The following LSAMP variants were observed in gnomAD, a reference collection of about 807,000 sequenced individuals.
The protein encoded by LSAMP is limbic system associated membrane protein, also known as limbic system-associated membrane protein.
Under a neutral mutation model 38.6 loss-of-function variants are expected in LSAMP, and 7 were observed. The ratio of observed to expected loss-of-function variants is 0.18; its 90% CI spans 0.10 to 0.34. LSAMP has a LOEUF of 0.34. Among genes scored for constraint, LSAMP ranks in the 10% least tolerant of loss-of-function variants. LSAMP has a pLI of 1.00. For synonymous variants in LSAMP, 154 were observed against 166.8 expected, an observed-to-expected ratio of 0.92 and a Z score of 0.59; for missense variants, 313 against 420.0, an observed-to-expected ratio of 0.75 and a Z score of 2.23.
rs925255302 is a variant in LSAMP at position 115,855,724 on chromosome 3, T to G, written c.515-3107A>C. On this transcript the variant is annotated intron_variant, in intron 3 of 6. Transcript: ENST00000490035. ...GTGTCCGTCCTCATGAGAGCAAATT[T>G]TCTCCAGTTCTTTCAGTTCTGACTG... Among the ~76,000 whole-genome samples, 7 of 152,200 alleles carry G rather than the reference T, an allele frequency of 4.6e-5. No individual in the cohort carries two copies. The East Asian group carries it at 1.3e-3, about 29-fold the overall frequency.
At chr3:116,430,190 G>C (rs1418387075) in intron 1 of LSAMP, among the ~76,000 whole-genome samples, 1 of 152,124 alleles carries the variant, frequency 6.6e-6, no homozygotes, top group Non-Finnish European at 1.5e-5. Flanking sequence ...CAGTCTTAAT[G>C]ATATACAGTC....
At chr3:116,088,326 A>G (rs529786248) in intron 1 of LSAMP, among the ~76,000 whole-genome samples, 17 of 152,272 alleles carry the variant, frequency 1.1e-4, no homozygotes, top group African/African-American at 3.9e-4. Flanking sequence ...TGCCATGCAT[A>G]TATTATTGAG....
intron 3 of LSAMP, among the ~76,000 whole-genome samples, chr3:115,973,348 GTTTCAGATTTTGAATTTT>G (rs1335781016): frequency 6.6e-6 from 1 of 152,116 alleles, no homozygotes; most frequent in Non-Finnish European, 1.5e-5. Context: ...GACCAGAAGT[GTTTCAGATTTTGAATTTT>G]TTTCAGATTT....
At chr3:116,211,426 G>A (rs1480737088) in intron 1 of LSAMP, among the ~76,000 whole-genome samples, 2 of 152,072 alleles carry the variant, frequency 1.3e-5, no homozygotes, top group African/African-American at 2.4e-5. Context: ...ATGTATACAT[G>A]TTTCAAAGCA....
intron 1 of LSAMP, among the ~76,000 whole-genome samples, chr3:116,143,233 T>C (rs944431779): frequency 6.6e-6 from 1 of 151,790 alleles, no homozygotes; most frequent in Non-Finnish European, 1.5e-5. Flanking sequence ...ATTAAAAAAA[T>C]TTTCTCATTT....
At chr3:115,871,582 A>AGTGTGTGTGT (rs59830926) in intron 3 of LSAMP, among the ~76,000 whole-genome samples, 153 of 145,018 alleles carry the variant, frequency 1.1e-3, no homozygotes, top group African/African-American at 3.7e-3. Flanking sequence ...ACCAACGTGT[A>AGTGTGTGTGT]GTGTGTGTGT....
At chr3:115,980,370 G>A (rs957661338) in intron 3 of LSAMP, among the ~76,000 whole-genome samples, 11 of 152,044 alleles carry the variant, frequency 7.2e-5, no homozygotes, top group Non-Finnish European at 1.5e-4. Context: ...CTTCAAAATA[G>A]ATACTATTTT....
At chr3:116,021,617 A>G (rs1212566040) in intron 2 of LSAMP, among the ~76,000 whole-genome samples, 2 of 152,204 alleles carry the variant, frequency 1.3e-5, no homozygotes, top group African/African-American at 4.8e-5. Context: ...CCACATTACT[A>G]AAGTTGTAGT....
chr3:116,295,216 C>A (rs2107698698), intron 1 of LSAMP, among the ~76,000 whole-genome samples: 1 of 152,270 alleles, frequency 6.6e-6, no homozygotes, highest in South Asian at 2.1e-4. Flanking sequence ...CTGGCCAAGG[C>A]TAAAGGAATT....
chr3:116,435,107 G>T (rs1449942385), intron 1 of LSAMP, among the ~76,000 whole-genome samples: 1 of 152,156 alleles, frequency 6.6e-6, no homozygotes, highest in Non-Finnish European at 1.5e-5. Flanking sequence ...CAGGTTTTAT[G>T]ATCTGAGATT....
intron 4 of LSAMP, among the ~76,000 whole-genome samples, chr3:115,842,879 A>C (rs1935040392): frequency 1.3e-5 from 2 of 152,234 alleles, no homozygotes; most frequent in South Asian, 4.1e-4. Flanking sequence ...ATGGTATTAC[A>C]ATTACAGATT....
intron 3 of LSAMP, among the ~76,000 whole-genome samples, chr3:115,998,657 T>C (rs965981171): frequency 3.5e-4 from 53 of 152,140 alleles, no homozygotes; most frequent in Admixed American, 1.1e-3. Flanking sequence ...ACCAGGTGAC[T>C]GATATGCAGG....
At chr3:116,198,776 A>AAAAAAAAAAAAG (rs1241456903) in intron 1 of LSAMP, among the ~76,000 whole-genome samples, 1 of 147,034 alleles carries the variant, frequency 6.8e-6, no homozygotes, top group African/African-American at 2.5e-5. Flanking sequence ...GTCTCAGAAA[A>AAAAAAAAAAAAG]AAAAAGAAAA....
At chr3:116,010,207 G>C (rs1029110935) in intron 3 of LSAMP, among the ~76,000 whole-genome samples, 2 of 152,160 alleles carry the variant, frequency 1.3e-5, no homozygotes, top group African/African-American at 4.8e-5. Flanking sequence ...ATGAGCCACT[G>C]TACCCAGCCC....
intron 3 of LSAMP, among the ~76,000 whole-genome samples, chr3:115,949,829 C>T (rs906897468): frequency 2.7e-5 from 4 of 150,194 alleles, no homozygotes; most frequent in African/African-American, 2.4e-5. Flanking sequence ...TGAACATAGA[C>T]GTAAAAATTA....
chr3:116,297,074 G>A (rs2047346353), intron 1 of LSAMP, among the ~76,000 whole-genome samples: 1 of 152,184 alleles, frequency 6.6e-6, no homozygotes, highest in South Asian at 2.1e-4. Context: ...ATCAAGGACT[G>A]TGCTTCTTAA....
At chr3:116,114,581 A>G (rs1181008583) in intron 1 of LSAMP, among the ~76,000 whole-genome samples, 1 of 152,206 alleles carries the variant, frequency 6.6e-6, no homozygotes, top group Non-Finnish European at 1.5e-5. Context: ...CCTGAGATGT[A>G]ATAAAACCAG....
chr3:116,004,410 T>TTACATATATACACATA (rs1300355355), intron 3 of LSAMP, among the ~76,000 whole-genome samples: 13 of 151,610 alleles, frequency 8.6e-5, no homozygotes, highest in East Asian at 5.8e-4. Flanking sequence ...ATATGTATAC[T>TTACATATATACACATA]TACATATATA....
chr3:116,051,415 GA>G (rs1941394590), intron 2 of LSAMP, among the ~76,000 whole-genome samples: 1 of 152,196 alleles, frequency 6.6e-6, no homozygotes, highest in African/African-American at 2.4e-5. Context: ...ATCTCCCTTT[GA>G]AAATGCAGAA....
Sources: allele counts gnomAD v4.1 joint callset (sites outside exome capture counted in the v4.1 genomes callset), GRCh38; gene constraint gnomAD v4.1.1; transcripts MANE v1.5; gene names NCBI Gene and HGNC (gene_info 2026-07-23, HGNC 2026-07-21).